The following CELF2 variants were observed in gnomAD, a reference collection of about 807,000 sequenced individuals.
The protein encoded by CELF2 is CUG triplet repeat RNA-binding protein 2.
In CELF2, 8 loss-of-function variants were observed where a neutral mutation model predicts 62.6. The ratio of observed to expected loss-of-function variants is 0.13; its 90% confidence interval spans 0.07 to 0.23. The LOEUF (loss-of-function observed/expected upper bound fraction) is 0.23, where lower values mean the gene tolerates loss of function less well. CELF2 is among the 10% of genes least tolerant of loss of function. The pLI, the probability that CELF2 is intolerant of heterozygous loss-of-function variation, is 1.00. For missense variants in CELF2, 333 were observed against 671.0 expected, an observed-to-expected ratio of 0.50 and a Z score of 5.56; for synonymous variants, 258 against 250.0, an observed-to-expected ratio of 1.03 and a Z score of -0.30.
intron 1 of CELF2, among the ~76,000 whole-genome samples, chr10:10,883,888 C>A (rs1650877337): frequency 6.6e-6 from 1 of 151,762 alleles, no homozygotes; most frequent in African/African-American, 2.4e-5. Flanking sequence ...TCCTCCTCCT[C>A]CTCCTCTTCT....
At chr10:10,484,104 CT>C in the CELF2 span, among the ~76,000 whole-genome samples, 1 of 25,794 alleles carries the variant, frequency 3.9e-5, no homozygotes, top group African/African-American at 1.7e-4. Flanking sequence ...TCCCTCCCCC[CT>C]CCTCTCTCTC....
the CELF2 span, among the ~76,000 whole-genome samples, chr10:10,695,638 G>A: frequency 1.3e-5 from 2 of 151,968 alleles, no homozygotes; most frequent in Non-Finnish European, 2.9e-5. Flanking sequence ...TCACTTTCAG[G>A]TACACCAATC....
chr10:10,633,900 T>C, the CELF2 span, among the ~76,000 whole-genome samples: 2 of 152,172 alleles, frequency 1.3e-5, no homozygotes, highest in Admixed American at 1.3e-4. Context: ...ATTAAATCTT[T>C]GTATGTATTT....
In CELF2 at chr10:10,938,677, A is replaced by G. The variant is rs1000242347; in HGVS notation, c.89+18678A>G. ...GTAGGTTCACTGAATTTCCCCAAAG[A>G]AGATCCTGAGACAAGAATTTGAGTC... On this transcript the variant is annotated intron_variant, in intron 2 of 13. Transcript: ENST00000636488. The surrounding 1 kb of genome is among the most constrained non-coding windows in gnomAD (Gnocchi z 4.2). Among the ~76,000 whole-genome samples, 1 of 152,112 alleles carries G rather than the reference A, an allele frequency of 6.6e-6. No individual in the cohort carries two copies. Among genetic ancestry groups the G allele is most frequent in the African/African-American group, 2.4e-5 (1 of 41,420 alleles).
At chr10:11,077,707 A>G (rs963972022) in intron 1 of CELF2, among the ~76,000 whole-genome samples, 3 of 152,214 alleles carry the variant, frequency 2.0e-5, no homozygotes, top group Non-Finnish European at 2.9e-5. Flanking sequence ...TAAGTGAGAT[A>G]CATTGAAGTA....
chr10:11,018,210 C>G (rs567593405), intron 1 of CELF2, 47 bp downstream of exon 1: 8 of 1,468,104 alleles, frequency 5.4e-6, no homozygotes, highest in Non-Finnish European at 7.3e-6. Context: ...CGTCCTCCTC[C>G]CAGAGTCGGC....
In CELF2 at chr10:11,018,077, T is replaced by G. The variant is rs1254661641; in HGVS notation, c.-13T>G. 2 of 1,451,764 alleles carry G rather than the reference T, an allele frequency of 1.4e-6. No individual in the cohort carries two copies. Among genetic ancestry groups the G allele is most frequent in the Non-Finnish European group, 1.8e-6 (2 of 1,088,404 alleles). The allele number at this position is 1,451,764 out of a possible 1,614,324, so 89.9% of individuals were successfully genotyped here. A position where few individuals can be genotyped will look rare whatever the true frequency, so the allele number is the denominator to read the frequency against. ...GCCGCCCCCCGCCGCTGCCGCCGCG[T>G]GCGCCCGCGAACATGACTTCTGCCT... On this transcript the variant is annotated 5_prime_UTR_variant, in exon 1 of 13. Transcript: ENST00000633077.
At chr10:10,687,835 A>G in the CELF2 span, among the ~76,000 whole-genome samples, 1 of 152,218 alleles carries the variant, frequency 6.6e-6, no homozygotes, top group East Asian at 1.9e-4. Flanking sequence ...TCAATTTGCT[A>G]CCTGAGGCAT....
chr10:11,275,099 A>G lies in CELF2; in HGVS notation c.820A>G (p.Ser274Gly). ...ATSSSNLGAF[S>G]GIQQMAGMNA... is the part of the protein sequence containing the mutation. ...CTCCTCCAGCAACCTGGGTGCGTTC[A>G]GCGGCATTCAACAAATGGCAGGTAA... The change falls in exon 8 of 13, where the codon AGC becomes GGC. Residue 274 changes from serine to glycine, a missense_variant. Ser to Gly is a moderately conservative substitution (Grantham distance 56). Around this residue, in one of 3 missense-constraint regions of CELF2, gnomAD observed 253 missense variants for 503.0 expected, o/e 0.50. Transcript: ENST00000633077. The G allele has an allele frequency of 1.2e-6, 2 of 1,614,218 alleles. No homozygotes were observed. The highest frequency in any genetic ancestry group is 8.5e-7 in the Non-Finnish European group (1 of 1,180,042).
intron 1 of CELF2, among the ~76,000 whole-genome samples, chr10:11,050,467 GGC>G (rs1353839654): frequency 6.6e-6 from 1 of 152,194 alleles, no homozygotes; most frequent in Non-Finnish European, 1.5e-5. Flanking sequence ...AACCTGGCCT[GGC>G]TTGAACATGG....
At chr10:10,891,658 C>T (rs1045617960) in intron 1 of CELF2, among the ~76,000 whole-genome samples, 1 of 152,138 alleles carries the variant, frequency 6.6e-6, no homozygotes, top group African/African-American at 2.4e-5. Context: ...CTTCAGGCCT[C>T]GGTTCATTCC....
At chr10:10,736,033 CT>C in the CELF2 span, among the ~76,000 whole-genome samples, 1 of 152,198 alleles carries the variant, frequency 6.6e-6, no homozygotes, top group Non-Finnish European at 1.5e-5. Flanking sequence ...GGATTTAATT[CT>C]TCCCATCTTT....
intron 1 of CELF2, among the ~76,000 whole-genome samples, chr10:10,876,140 C>T (rs7904753): frequency 0.3 from 45,274 of 151,910 alleles, 8,237 homozygotes; most frequent in East Asian, 0.73. Context: ...TTTTATGAGG[C>T]TTATTCTAAT....
chr10:10,810,062 G>C (rs2055688392), intron 1 of CELF2, among the ~76,000 whole-genome samples: 1 of 152,092 alleles, frequency 6.6e-6, no homozygotes, highest in African/African-American at 2.4e-5. Context: ...AAGCCAATTA[G>C]GATAGAACTC....
chr10:10,920,396 A>T, intron 2 of CELF2, among the ~76,000 whole-genome samples: 1 of 152,150 alleles, frequency 6.6e-6, no homozygotes, highest in Admixed American at 6.6e-5. Flanking sequence ...GTGTTCAGGG[A>T]CTTAGAGATT....
At chr10:11,077,501 C>T (rs369996666) in intron 1 of CELF2, among the ~76,000 whole-genome samples, 1 of 152,148 alleles carries the variant, frequency 6.6e-6, no homozygotes, top group Admixed American at 6.5e-5. Flanking sequence ...AATTTGTTGG[C>T]GTTCGAAACT....
the CELF2 span, among the ~76,000 whole-genome samples, chr10:10,697,260 GT>G: frequency 6.6e-6 from 1 of 152,090 alleles, no homozygotes; most frequent in Non-Finnish European, 1.5e-5. Context: ...CATGGTAGTG[GT>G]TTTTTGCAGG....
At chr10:11,041,848 A>G (rs1345186934) in intron 1 of CELF2, among the ~76,000 whole-genome samples, 2 of 152,234 alleles carry the variant, frequency 1.3e-5, no homozygotes, top group African/African-American at 2.4e-5. Flanking sequence ...ACCCATTACT[A>G]TATATACGAA....
the CELF2 span, among the ~76,000 whole-genome samples, chr10:10,629,010 G>T: frequency 6.6e-6 from 1 of 152,138 alleles, no homozygotes; most frequent in African/African-American, 2.4e-5. Flanking sequence ...TAATCCAATT[G>T]CATTAATAGA....
Sources: allele counts gnomAD v4.1 joint callset (sites outside exome capture counted in the v4.1 genomes callset), GRCh38; gene constraint gnomAD v4.1.1; regional missense constraint gnomAD v4.1.1; non-coding constraint Gnocchi (gnomAD v3.1); transcripts MANE v1.5; gene names NCBI Gene and HGNC (gene_info 2026-07-23, HGNC 2026-07-21).